The following SGMS1 variants were observed in gnomAD, a reference collection of about 807,000 sequenced individuals.
The protein encoded by SGMS1 is phosphatidylcholine:ceramide cholinephosphotransferase 1.
A neutral mutation model predicts 46.2 loss-of-function variants in SGMS1; 13 were observed. The observed-to-expected ratio is 0.28, with a 90% CI of 0.18 to 0.45. The LOEUF (loss-of-function observed/expected upper bound fraction) is 0.45, where lower values mean the gene tolerates loss of function less well. Ranked by LOEUF, SGMS1 falls within the 20% of genes least tolerant of loss-of-function variation. SGMS1 has a pLI of 1.00. For synonymous variants in SGMS1, 203 were observed against 187.8 expected (o/e 1.08, Z -0.66); for missense variants, 324 against 519.9 (o/e 0.62, Z 3.66).
intron 5 of SGMS1, among the ~76,000 whole-genome samples, chr10:50,438,106 T>A (rs886477746): frequency 6.6e-6 from 1 of 151,732 alleles, no homozygotes; most frequent in Admixed American, 6.6e-5. Context: ...GAGAGGAGAG[T>A]AAGGATAAAG....
At chr10:50,326,238 T>C (rs1589386093) in intron 8 of SGMS1, among the ~76,000 whole-genome samples, 1 of 152,112 alleles carries the variant, frequency 6.6e-6, no homozygotes, top group Non-Finnish European at 1.5e-5. Flanking sequence ...ATATGTAAGT[T>C]TAGCAAAGAA....
rs531953426 is a variant in SGMS1, at chr10:50,388,784, A to C, written c.-231-44439T>G. ...TGTTTTAAATAACCTACTACATAAA[A>C]CAATAATAAAACAAAACACCTGATT... On this transcript the variant is annotated intron_variant, in intron 6 of 10. Transcript: ENST00000361781. Among the ~76,000 whole-genome samples, 4 of 152,318 alleles carry C rather than the reference A, an allele frequency of 2.6e-5. No individual in the cohort carries two copies. The East Asian group carries it at 5.8e-4, about 22-fold the overall frequency.
At chr10:50,549,815 G>T (rs956647649) in intron 2 of SGMS1, among the ~76,000 whole-genome samples, 4 of 152,106 alleles carry the variant, frequency 2.6e-5, no homozygotes, top group African/African-American at 7.2e-5. Context: ...TTATGCAAAA[G>T]AAATGAAAAA....
intron 6 of SGMS1, among the ~76,000 whole-genome samples, chr10:50,387,625 C>T (rs1209943613): frequency 3.9e-5 from 6 of 152,162 alleles, no homozygotes; most frequent in African/African-American, 1.4e-4. Flanking sequence ...ATATATCCTT[C>T]AGGACAAATC....
At chr10:50,420,905 G>A (rs992748930) in intron 6 of SGMS1, among the ~76,000 whole-genome samples, 7 of 152,188 alleles carry the variant, frequency 4.6e-5, no homozygotes, top group African/African-American at 1.7e-4. Flanking sequence ...ATCCAGCCAA[G>A]CTTAACATTC....
intron 8 of SGMS1, among the ~76,000 whole-genome samples, chr10:50,315,303 G>A (rs1847322433): frequency 6.6e-6 from 1 of 152,114 alleles, no homozygotes. Flanking sequence ...ATGTTAACAG[G>A]GTTAGCTTGG....
chr10:50,471,715 A>G (rs1010331440), intron 3 of SGMS1, among the ~76,000 whole-genome samples: 2 of 152,224 alleles, frequency 1.3e-5, no homozygotes. Flanking sequence ...TCTCACTGAG[A>G]AATTCACAAA....
At chr10:50,452,483 G>T (rs548984511) in intron 5 of SGMS1, among the ~76,000 whole-genome samples, 2 of 152,114 alleles carry the variant, frequency 1.3e-5, no homozygotes, top group East Asian at 3.9e-4. Context: ...ACCTTAAACT[G>T]GTCTCTCTTA....
intron 3 of SGMS1, among the ~76,000 whole-genome samples, chr10:50,490,919 C>A (rs1837561913): frequency 6.6e-6 from 1 of 152,172 alleles, no homozygotes; most frequent in Admixed American, 6.5e-5. Context: ...ATCTCAATAA[C>A]TACACCCAGC....
At chr10:50,451,173 A>G (rs1401594579) in intron 5 of SGMS1, among the ~76,000 whole-genome samples, 3 of 152,312 alleles carry the variant, frequency 2.0e-5, no homozygotes, top group East Asian at 3.9e-4. Context: ...TTCCAAACAC[A>G]GCTACTTAAC....
intron 2 of SGMS1, among the ~76,000 whole-genome samples, chr10:50,524,580 T>C (rs371210880): frequency 4.1e-4 from 62 of 152,354 alleles, no homozygotes; most frequent in African/African-American, 1.5e-3. Flanking sequence ...ATGCTAAGCA[T>C]GGATGGGCAC....
chr10:50,597,350 A>G (rs1305126746), intron 1 of SGMS1, among the ~76,000 whole-genome samples: 1 of 152,234 alleles, frequency 6.6e-6, no homozygotes, highest in Non-Finnish European at 1.5e-5. Flanking sequence ...ATACAGGTCA[A>G]CTAGGACTTT....
In SGMS1 at chr10:50,327,284, G is replaced by A. The variant is rs747985933; in HGVS notation, c.662C>T (p.Thr221Met). 1.2e-6 allele frequency: 2 copies of A among 1,610,004 alleles called. No individual in the cohort carries two copies. The highest frequency in any genetic ancestry group is 1.7e-6 in the Non-Finnish European group (2 of 1,177,918). Reference sequence around the variant, plus strand: ...TGTAATACACCGATACAGGTACAGCGTGCCAACTATGCAGAAAAATCTTCT... The same window carrying A: ...TGTAATACACCGATACAGGTACAGCATGCCAACTATGCAGAAAAATCTTCT... Reference protein sequence around the residue: ...ISRRFFCIVGTLYLYRCITMY... With the variant: ...ISRRFFCIVGMLYLYRCITMY... The change falls in exon 8 of 11, where the codon ACG becomes ATG. Residue 221 changes from threonine to methionine, a missense_variant. This residue lies in a region of SGMS1 where 174 missense variants were observed against 350.1 expected (regional missense o/e 0.50). Transcript: ENST00000361781.
chr10:50,484,628 A>T (rs1260970530), intron 3 of SGMS1, among the ~76,000 whole-genome samples: 2 of 152,192 alleles, frequency 1.3e-5, no homozygotes, highest in African/African-American at 4.8e-5. Context: ...CTTGATGAAC[A>T]TCTATGCAAA....
At position 50,438,842 on chromosome 10, in the gene SGMS1, A is replaced by T. The variant is rs184271060; in HGVS notation, c.-312-5286T>A. 2.4e-4 allele frequency among the ~76,000 whole-genome samples: 37 copies of T among 152,290 alleles called. No homozygotes were observed. In the East Asian group the frequency reaches 6.9e-3, roughly 29 times the overall value. ...GTTTCCTCCCTTAACACTCCATCCT[A>T]TTCTTGTCATTTGGAGGATATAATG... On this transcript the variant is annotated intron_variant, in intron 5 of 10. Transcript: ENST00000361781.
At chr10:50,605,293 C>T (rs1266828723) in intron 1 of SGMS1, among the ~76,000 whole-genome samples, 2 of 152,246 alleles carry the variant, frequency 1.3e-5, no homozygotes, top group East Asian at 3.8e-4. Context: ...CTCAGCCCCA[C>T]TTCCAAACAG....
intron 5 of SGMS1, among the ~76,000 whole-genome samples, chr10:50,440,949 G>A (rs1381250290): frequency 2.6e-5 from 4 of 152,172 alleles, no homozygotes; most frequent in Admixed American, 1.3e-4. Flanking sequence ...CTAATTCATT[G>A]AATCATGCCA....
intron 6 of SGMS1, among the ~76,000 whole-genome samples, chr10:50,411,393 A>G (rs1849098357): frequency 6.6e-6 from 1 of 152,216 alleles, no homozygotes; most frequent in Admixed American, 6.5e-5. Flanking sequence ...AAGGGGGGAA[A>G]AAAACAATTC....
intron 6 of SGMS1, among the ~76,000 whole-genome samples, chr10:50,354,381 T>A (rs182466019): frequency 6.6e-6 from 1 of 152,324 alleles, no homozygotes; most frequent in African/African-American, 2.4e-5. Flanking sequence ...GAAAACTGAC[T>A]AGCCATATGG....
Sources: allele counts gnomAD v4.1 joint callset (sites outside exome capture counted in the v4.1 genomes callset), GRCh38; gene constraint gnomAD v4.1.1; regional missense constraint gnomAD v4.1.1; transcripts MANE v1.5; gene names NCBI Gene and HGNC (gene_info 2026-07-23, HGNC 2026-07-21).